MARK3: variants seen among roughly 807,000 people sequenced by gnomAD.
MARK3 encodes the protein microtubule affinity regulating kinase 3, also known as MAP/microtubule affinity-regulating kinase 3.
A neutral mutation model predicts 90.1 loss-of-function variants in MARK3; 46 were observed. That is an observed-to-expected ratio of 0.51 (90% CI 0.40 to 0.65). MARK3 has a LOEUF of 0.65. Ranked by LOEUF, MARK3 falls within the 30% of genes least tolerant of loss-of-function variation. The pLI, the probability that MARK3 is intolerant of heterozygous loss-of-function variation, is 0.00. For synonymous variants in MARK3, 321 were observed against 332.6 expected (o/e 0.97, Z 0.38); for missense variants, 818 against 947.2 (o/e 0.86, Z 1.79).
intron 1 of MARK3, among the ~76,000 whole-genome samples, chr14:103,393,986 G>C (rs563217502): frequency 2.0e-5 from 3 of 152,232 alleles, no homozygotes; most frequent in African/African-American, 7.2e-5. Context: ...CGCCTGCCTT[G>C]GCCTCCCAAA....
chr14:103,471,530 G>A (rs1342383973), intron 12 of MARK3, among the ~76,000 whole-genome samples: 1 of 152,072 alleles, frequency 6.6e-6, no homozygotes. Context: ...CATCTTTCTT[G>A]GAATTTCTGA....
chr14:103,428,490 T>C (rs1442528475), intron 3 of MARK3, 50 bp downstream of exon 3: 3 of 1,069,928 alleles, frequency 2.8e-6, no homozygotes, highest in African/African-American at 1.6e-5. Context: ...TCGGTGCTAA[T>C]TGCCATCTAA....
intron 2 of MARK3, among the ~76,000 whole-genome samples, chr14:103,417,106 C>T (rs2140912855): frequency 6.6e-6 from 1 of 152,274 alleles, no homozygotes; most frequent in Middle Eastern, 3.4e-3. Flanking sequence ...TACTCTCCAG[C>T]CACATTCAGT....
At chr14:103,450,753 A>G (rs935895068) in intron 4 of MARK3, among the ~76,000 whole-genome samples, 2 of 152,126 alleles carry the variant, frequency 1.3e-5, no homozygotes, top group African/African-American at 4.8e-5. Context: ...ATTGCTTGAA[A>G]TATAAAACAC....
At chr14:103,396,533 A>G (rs570096411) in intron 1 of MARK3, among the ~76,000 whole-genome samples, 6 of 152,306 alleles carry the variant, frequency 3.9e-5, no homozygotes, top group East Asian at 1.9e-4. Flanking sequence ...AGGTGTTTAC[A>G]TATGTCAATA....
chr14:103,475,874 G>A (rs2093705683), intron 13 of MARK3, among the ~76,000 whole-genome samples: 1 of 151,708 alleles, frequency 6.6e-6, no homozygotes, highest in Non-Finnish European at 1.5e-5. Context: ...AACTCAGGAG[G>A]CAGAGGTTAC....
chr14:103,430,368 C>G (rs995457818), intron 3 of MARK3, among the ~76,000 whole-genome samples: 2 of 149,398 alleles, frequency 1.3e-5, no homozygotes, highest in African/African-American at 5.0e-5. Flanking sequence ...ATCCCCAGCC[C>G]CCCCATCTTC....
chr14:103,454,819 CTAGT>C (rs2093238912), intron 5 of MARK3, among the ~76,000 whole-genome samples: 1 of 152,194 alleles, frequency 6.6e-6, no homozygotes. Flanking sequence ...GGGTCCATAG[CTAGT>C]TAGTTTCAGG....
intron 17 of MARK3, among the ~76,000 whole-genome samples, chr14:103,501,590 C>G (rs974302874): frequency 6.6e-6 from 1 of 152,158 alleles, no homozygotes; most frequent in African/African-American, 2.4e-5. Context: ...AATCCCATGG[C>G]TCTTCATAGC....
In MARK3 at chr14:103,503,125, G is replaced by A. The variant is rs1361637769; in HGVS notation, c.2160G>A (p.Leu720=). ...LVQWEMEVCK[L]PRLSLNGVRF... The stretch of plus-strand genomic sequence containing the variant: ...AGTGGGAAATGGAAGTGTGCAAGCT[G>A]CCAAGACTGTCTCTGAACGGGGTCC... Residue 720 remains leucine, a synonymous_variant, in exon 18 of 18, where the codon CTG becomes CTA. Coordinates refer to ENST00000429436, the MANE Select transcript of MARK3 (RefSeq NM_001128918.3). The A allele has an allele frequency of 6.2e-7, 1 of 1,614,238 alleles. No homozygotes were observed. Among genetic ancestry groups the A allele is most frequent in the Admixed American group, 1.7e-5 (1 of 60,032 alleles).
chr14:103,470,387 A>C (rs1169047565), intron 12 of MARK3, among the ~76,000 whole-genome samples: 2 of 150,894 alleles, frequency 1.3e-5, no homozygotes, highest in East Asian at 1.9e-4. Flanking sequence ...ACTTGCCCAT[A>C]ACTATAAATG....
chr14:103,415,020 T>G (rs2091877764), intron 2 of MARK3, among the ~76,000 whole-genome samples: 1 of 151,532 alleles, frequency 6.6e-6, no homozygotes, highest in Non-Finnish European at 1.5e-5. Flanking sequence ...GGGATGGTGG[T>G]GTGCGCCTGT....
chr14:103,487,073 C>T (rs1364053570), intron 14 of MARK3, among the ~76,000 whole-genome samples: 4 of 151,766 alleles, frequency 2.6e-5, no homozygotes, highest in African/African-American at 4.8e-5. Flanking sequence ...CCCGCCACCA[C>T]ACCCAACTAA....
intron 2 of MARK3, chr14:103,412,064 G>T (rs571384057): frequency 1.1e-5 from 5 of 457,836 alleles, no homozygotes; most frequent in East Asian, 3.5e-5. Context: ...GGATTAGTTG[G>T]TTTTTTGTTT....
At chr14:103,389,063 A>G (rs2090023393) in intron 1 of MARK3, among the ~76,000 whole-genome samples, 1 of 152,084 alleles carries the variant, frequency 6.6e-6, no homozygotes. Context: ...CGCTTATTAG[A>G]TCAAGACTAA....
intron 15 of MARK3, among the ~76,000 whole-genome samples, chr14:103,497,646 T>A (rs1284299356): frequency 6.6e-6 from 1 of 152,234 alleles, no homozygotes; most frequent in Non-Finnish European, 1.5e-5. Flanking sequence ...CTGAAAAGTC[T>A]ACTTGTTTAA....
chr14:103,446,639 G>A (rs1010743630), intron 3 of MARK3, among the ~76,000 whole-genome samples: 17 of 151,836 alleles, frequency 1.1e-4, no homozygotes, highest in Non-Finnish European at 2.2e-4. Flanking sequence ...CATGGCCATG[G>A]TCAGGGTTTC....
intron 9 of MARK3, 122 bp downstream of exon 9, chr14:103,466,213 A>G (rs2141585090): frequency 1.5e-6 from 2 of 1,367,192 alleles, no homozygotes; most frequent in East Asian, 4.6e-5. Context: ...GAATTGAAAC[A>G]TTAAAAAATA....
chr14:103,426,611 A>T (rs1341848980), intron 2 of MARK3, among the ~76,000 whole-genome samples: 1 of 152,108 alleles, frequency 6.6e-6, no homozygotes, highest in Non-Finnish European at 1.5e-5. Context: ...GCCTCTCTCC[A>T]CTTTTCTTCC....
Sources: allele counts gnomAD v4.1 joint callset (sites outside exome capture counted in the v4.1 genomes callset), GRCh38; gene constraint gnomAD v4.1.1; transcripts MANE v1.5; gene names NCBI Gene and HGNC (gene_info 2026-07-23, HGNC 2026-07-21).